Variants in MOCS1 observed in about 807,000 individuals in gnomAD.
The protein encoded by MOCS1 is molybdenum cofactor biosynthesis protein 1.
Under a neutral mutation model 57.6 loss-of-function variants are expected in MOCS1, and 39 were observed. The observed-to-expected ratio is 0.68, with a 90% CI of 0.52 to 0.88. The LOEUF (loss-of-function observed/expected upper bound fraction) is 0.88, where lower values mean the gene tolerates loss of function less well. MOCS1 is among the 40% of genes least tolerant of loss of function. The probability of loss-of-function intolerance (pLI) is 0.00; values close to 1 mark genes in which losing one functional copy is unlikely to be tolerated. For missense variants in MOCS1, 795 were observed against 831.1 expected (o/e 0.96, Z 0.53); for synonymous variants, 334 against 335.7 (o/e 1.00, Z 0.05).
At chr6:39,920,578 T>A (rs1582824174) in intron 3 of MOCS1, among the ~76,000 whole-genome samples, 2 of 152,196 alleles carry the variant, frequency 1.3e-5, no homozygotes, top group East Asian at 3.8e-4. Context: ...GAACTACAAC[T>A]CTGTATAACA....
intron 3 of MOCS1, among the ~76,000 whole-genome samples, chr6:39,919,285 G>A (rs1482643899): frequency 1.3e-5 from 2 of 152,140 alleles, no homozygotes; most frequent in African/African-American, 2.4e-5. Context: ...AGGAGTTCAA[G>A]ACCAGCCTGC....
At chr6:39,926,588 A>C (rs1408777186) in intron 2 of MOCS1, among the ~76,000 whole-genome samples, 1 of 150,362 alleles carries the variant, frequency 6.7e-6, no homozygotes, top group African/African-American at 2.5e-5. Flanking sequence ...GAAGAGAATA[A>C]GTAAGACTAC....
In MOCS1 at chr6:39,904,383, A is replaced by C. The variant is rs368071871; in HGVS notation, c.*1974T>G. 3.8e-4 allele frequency: 172 copies of C among 456,444 alleles called. No homozygotes were observed. In the East Asian group the frequency reaches 8.7e-3, roughly 23 times the overall value. 28.3% of individuals were successfully genotyped at this position (456,444 alleles called of 1,614,324 possible). ...CCATGGACTCATACTCAACTGAGTA[A>C]GAAGGGGCTGGTGCCCAGTCGGGGT... On this transcript the variant is annotated 3_prime_UTR_variant, in exon 11 of 11. Coordinates refer to ENST00000340692, the MANE Select transcript of MOCS1 (RefSeq NM_001358530.2).
At position 39,914,846 on chromosome 6, in the gene MOCS1, G is replaced by A. The variant is rs1482580756; in HGVS notation, c.584-1011C>T. On this transcript the variant is annotated intron_variant, in intron 4 of 10. Transcript: ENST00000340692. ...GTATGAATGGGAGGGAAGATCTGATGTCTCCAATCCATGTGCCAGGAAATA... is the reference window on the plus strand; with the variant it reads ...GTATGAATGGGAGGGAAGATCTGATATCTCCAATCCATGTGCCAGGAAATA... Among the ~76,000 whole-genome samples the A allele has an allele frequency of 2.6e-5, 4 of 152,210 alleles. No homozygotes were observed. The South Asian group carries it at 8.3e-4, about 31-fold the overall frequency.
intron 1 of MOCS1, 146 bp from the exon 2 acceptor site, chr6:39,927,601 G>A (rs1432137598): frequency 3.1e-6 from 5 of 1,603,906 alleles, no homozygotes; most frequent in Admixed American, 1.7e-5. Flanking sequence ...CAATGTTGGG[G>A]AAGCTGGGAT....
chr6:39,924,905 C>G (rs758222422), intron 3 of MOCS1, among the ~76,000 whole-genome samples: 1 of 152,054 alleles, frequency 6.6e-6, no homozygotes, highest in Non-Finnish European at 1.5e-5. Context: ...ATGGTGAAAC[C>G]CCGTCTCTGC....
At chr6:39,917,205 C>A (rs1767708752) in intron 3 of MOCS1, among the ~76,000 whole-genome samples, 2 of 152,098 alleles carry the variant, frequency 1.3e-5, no homozygotes, top group Admixed American at 1.3e-4. Context: ...GTTAGGGAGG[C>A]CTCAGGAAAC....
intron 3 of MOCS1, among the ~76,000 whole-genome samples, chr6:39,917,149 G>A (rs1387763469): frequency 6.6e-6 from 1 of 152,148 alleles, no homozygotes; most frequent in East Asian, 1.9e-4. Flanking sequence ...CTGAGACTGG[G>A]TAATTTATAA....
chr6:39,922,154 A>C (rs910141294), intron 3 of MOCS1, among the ~76,000 whole-genome samples: 2 of 152,240 alleles, frequency 1.3e-5, no homozygotes, highest in Non-Finnish European at 2.9e-5. Context: ...GCTGCTGGCC[A>C]CATGAGGCTA....
At chr6:39,922,638 G>T (rs554010927) in intron 3 of MOCS1, among the ~76,000 whole-genome samples, 1 of 152,292 alleles carries the variant, frequency 6.6e-6, no homozygotes, top group Non-Finnish European at 1.5e-5. Flanking sequence ...ACGAAGCAGG[G>T]TGCAGAAGTG....
At chr6:39,927,780 A>G in intron 1 of MOCS1, 1 of 1,429,240 alleles carries the variant, frequency 7.0e-7, no homozygotes, top group Non-Finnish European at 9.2e-7. Context: ...CACTCTAGCC[A>G]GTGCCAAAAA....
Position 39,925,836 on chromosome 6 carries a change from C to A in MOCS1, c.260G>T (p.Cys87Phe). ...CAGCGGGACCCCCTCCTCGGGCATG[C>A]AGTACTGACCTGAGGGAAGGATGAA... is the stretch of plus-strand genomic sequence containing the variant. ...TEKCNLRCQYCMPEEGVPLTP... is the reference protein window; with the variant it reads ...TEKCNLRCQYFMPEEGVPLTP... Residue 87 changes from cysteine to phenylalanine, a missense_variant, in exon 3 of 11, where the codon TGC (cysteine) becomes TTC (phenylalanine). By Grantham distance (205) the Cys-to-Phe change is radical (BLOSUM62 -2). Coordinates refer to ENST00000340692, the MANE Select transcript of MOCS1 (RefSeq NM_001358530.2). 1 of 1,610,030 alleles carries A rather than the reference C, an allele frequency of 6.2e-7. No homozygotes were observed.
rs777151395 is a variant in MOCS1 at position 39,934,283 on chromosome 6, G to A, written c.123+12C>T. The A allele has an allele frequency of 5.7e-5, 87 of 1,539,230 alleles. No individual in the cohort carries two copies. The highest frequency in any genetic ancestry group is 9.5e-5 in the Admixed American group (5 of 52,406). ...CCCCGGGAAGCTGTGGACGCAGGCG[G>A]GGTGGGCTCACCTCCGAGGCAGCTC... On this transcript the variant is annotated intron_variant, in intron 1 of 10. Transcript: ENST00000340692.
Position 39,927,164 on chromosome 6 carries a change from A to G in MOCS1, c.250+165T>C, listed in dbSNP as rs971890475. On this transcript the variant is annotated intron_variant, in intron 2 of 10. Transcript: ENST00000340692. ...ATCATACAACTCAGCCTTGACCCCT[A>G]TCTTGCCCCTGAAGCCCACCTGGCC... is the stretch of plus-strand genomic sequence containing the variant. The G allele has an allele frequency of 5.4e-6, 4 of 739,042 alleles. No homozygotes were observed. The Admixed American group carries it at 7.9e-5, about 15-fold the overall frequency. 45.8% of individuals were successfully genotyped at this position (739,042 alleles called of 1,614,324 possible).
chr6:39,930,176 T>C lies in MOCS1; in HGVS notation c.124-2721A>G, dbSNP rs551906723. Among the ~76,000 whole-genome samples, 5 of 152,272 alleles carry C rather than the reference T, an allele frequency of 3.3e-5. No individual in the cohort carries two copies. In the South Asian group the frequency reaches 1.0e-3, roughly 32 times the overall value. On this transcript the variant is annotated intron_variant, in intron 1 of 10. Transcript: ENST00000340692. ...GCATCTTCTCTCCTCTAACACTGCA[T>C]GCCCTACTTTCATTCTTCTACTTTT...
At chr6:39,929,527 G>A (rs184478353) in intron 1 of MOCS1, among the ~76,000 whole-genome samples, 11 of 152,200 alleles carry the variant, frequency 7.2e-5, no homozygotes, top group Admixed American at 7.2e-4. Flanking sequence ...GACATGATGG[G>A]GGGATGGGGT....
intron 4 of MOCS1, 138 bp downstream of exon 4, chr6:39,915,930 G>A (rs1767631026): frequency 2.9e-6 from 3 of 1,041,876 alleles, no homozygotes; most frequent in Admixed American, 2.0e-5. Flanking sequence ...GATGAGGGGT[G>A]AGAAATAAGT....
rs1222331720 is a variant in MOCS1, at chr6:39,916,113, C to A, written c.538G>T (p.Asp180Tyr). ...TCAAACTTGGCAGGCACCAGGGTGT[C>A]CAGGCTGATGTTGATGGCACTGAGA... ...AGLSAINISL[D>Y]TLVPAKFEFI... Residue 180 changes from aspartate (D) to tyrosine (Y), a missense_variant, in exon 4 of 11, where the codon GAC becomes TAC. Around this residue, in one of 3 missense-constraint regions of MOCS1, gnomAD observed 416 missense variants for 392.4 expected, o/e 1.06. Transcript: ENST00000340692. 1.2e-6 allele frequency: 2 copies of A among 1,613,576 alleles called. No individual in the cohort carries two copies. The highest frequency in any genetic ancestry group is 1.7e-6 in the Non-Finnish European group (2 of 1,179,860).
chr6:39,932,291 T>A (rs1173106361), intron 1 of MOCS1: 1 of 152,182 alleles, frequency 6.6e-6, no homozygotes, highest in Non-Finnish European at 1.5e-5. Context: ...ACATATCCAT[T>A]TCCAGACTCA....
Sources: allele counts gnomAD v4.1 joint callset (sites outside exome capture counted in the v4.1 genomes callset), GRCh38; gene constraint gnomAD v4.1.1; regional missense constraint gnomAD v4.1.1; transcripts MANE v1.5; gene names NCBI Gene and HGNC (gene_info 2026-07-23, HGNC 2026-07-21).